FAM107B: variants seen among roughly 807,000 people sequenced by gnomAD.
The protein encoded by FAM107B is protein FAM107B.
In FAM107B, 21 loss-of-function variants were observed where a neutral mutation model predicts 31.5. The ratio of observed to expected loss-of-function variants is 0.67; its 90% CI spans 0.47 to 0.96. FAM107B has a LOEUF of 0.96. FAM107B is among the 40% of genes least tolerant of loss of function. FAM107B has a pLI of 0.00. For synonymous variants in FAM107B, 157 were observed against 141.5 expected (o/e 1.11, Z -0.78); for missense variants, 452 against 377.1 (o/e 1.20, Z -1.64).
chr10:14,713,910 A>G (rs1171154954), intron 1 of FAM107B, among the ~76,000 whole-genome samples: 2 of 152,200 alleles, frequency 1.3e-5, no homozygotes, highest in African/African-American at 4.8e-5. Flanking sequence ...TCATTATTCC[A>G]GGTGAATTAA....
chr10:14,525,618 T>C (rs917571264), intron 3 of FAM107B, among the ~76,000 whole-genome samples: 2 of 152,220 alleles, frequency 1.3e-5, no homozygotes, highest in African/African-American at 4.8e-5. Context: ...TGGGTCTATG[T>C]TCCTCCATAC....
chr10:14,723,029 A>ATGTGTCTTATATTTAGGTCTTATATT, intron 1 of FAM107B: 1 of 341,086 alleles, frequency 2.9e-6, no homozygotes. Context: ...CGTCTTTTAC[A>ATGTGTCTTATATTTAGGTCTTATATT]TGTGTCTTAT....
At chr10:14,646,789 C>CTTTTTTTTTTTTT (rs369557470) in intron 2 of FAM107B, among the ~76,000 whole-genome samples, 1 of 86,770 alleles carries the variant, frequency 1.2e-5, no homozygotes, top group African/African-American at 4.7e-5. Context: ...CCATTTTCTC[C>CTTTTTTTTTTTTT]TTTTTTTTTT....
chr10:14,738,088 C>T (rs1165491369), intron 1 of FAM107B, among the ~76,000 whole-genome samples: 2 of 152,136 alleles, frequency 1.3e-5, no homozygotes, highest in African/African-American at 4.8e-5. Flanking sequence ...TTTACACGTA[C>T]AAATGTACAG....
chr10:14,723,487 G>A, intron 1 of FAM107B: 2 of 581,898 alleles, frequency 3.4e-6, no homozygotes, highest in Non-Finnish European at 6.5e-6. Flanking sequence ...GTGTTTACAG[G>A]AAATGGTACC....
chr10:14,769,262 C>T (rs1187842897), intron 1 of FAM107B, among the ~76,000 whole-genome samples: 4 of 152,240 alleles, frequency 2.6e-5, no homozygotes, highest in Non-Finnish European at 4.4e-5. Flanking sequence ...TGCTGGGGTG[C>T]TAGGATGGCT....
intron 1 of FAM107B, among the ~76,000 whole-genome samples, chr10:14,762,053 C>T (rs1278597928): frequency 6.6e-6 from 1 of 152,164 alleles, no homozygotes; most frequent in African/African-American, 2.4e-5. Flanking sequence ...CTGAGTATCT[C>T]TACCCTAAGG....
At position 14,520,707 on chromosome 10, in the gene FAM107B, C is replaced by T. The variant is rs1347390954; in HGVS notation, c.*483G>A. On this transcript the variant is annotated 3_prime_UTR_variant, in exon 5 of 5. Transcript: ENST00000181796. ...TAAATTAAACAAGACAATTCTGGGT[C>T]CTCAAAATTTACAGTGAGTGAACAG... The T allele has an allele frequency of 6.6e-6, 1 of 152,490 alleles. No individual in the cohort carries two copies. The highest frequency in any genetic ancestry group is 2.4e-5 in the African/African-American group (1 of 41,440). 9.4% of individuals were successfully genotyped at this position (152,490 alleles called of 1,614,324 possible).
intron 1 of FAM107B, among the ~76,000 whole-genome samples, chr10:14,718,592 G>A (rs183454064): frequency 4.9e-4 from 74 of 152,000 alleles, no homozygotes; most frequent in Non-Finnish European, 8.4e-4. Flanking sequence ...TCACAGCAGA[G>A]TCAATAACAG....
chr10:14,687,433 T>A (rs953479706), intron 1 of FAM107B, among the ~76,000 whole-genome samples: 8 of 152,198 alleles, frequency 5.3e-5, no homozygotes, highest in Admixed American at 6.5e-5. Flanking sequence ...AAGGTCAGTA[T>A]GTATCTTTAG....
rs1364937661 is a variant in FAM107B, at chr10:14,667,639, G to A, written c.464C>T (p.Thr155Ile). 1.2e-6 allele frequency: 2 copies of A among 1,614,164 alleles called. No individual in the cohort carries two copies. Among genetic ancestry groups the A allele is most frequent in the East Asian group, 2.2e-5 (1 of 44,884 alleles). Residue 155 changes from threonine (T) to isoleucine (I), a missense_variant, in exon 2 of 5, where the codon ACA becomes ATA. By Grantham distance (89) the Thr-to-Ile change is moderately conservative. Transcript: ENST00000181796. ...PKCLELEQKM[T>I]SDSPPEDIDH... ...TCACACAGAATGTACTCTACCTGAT[G>A]TCATTTTCTGCTCCAGCTCGAGGCA...
At chr10:14,661,323 G>A (rs114004532) in intron 2 of FAM107B, among the ~76,000 whole-genome samples, 2,884 of 152,336 alleles carry the variant, frequency 0.019, 89 homozygotes, top group African/African-American at 0.066. Context: ...ATTTCTGGAT[G>A]TGTCCAAGAC....
intron 1 of FAM107B, among the ~76,000 whole-genome samples, chr10:14,759,710 CT>C (rs991068879): frequency 2.0e-5 from 3 of 150,996 alleles, no homozygotes; most frequent in Admixed American, 6.6e-5. Context: ...ATAGAGCCTT[CT>C]TTTTTTTTCT....
intron 2 of FAM107B, among the ~76,000 whole-genome samples, chr10:14,662,279 A>G (rs767076872): frequency 5.5e-4 from 83 of 152,076 alleles, no homozygotes; most frequent in Non-Finnish European, 1.0e-3. Flanking sequence ...GACTGCTCCC[A>G]TCATTCAGGG....
intron 2 of FAM107B, among the ~76,000 whole-genome samples, chr10:14,541,421 T>A (rs550361297): frequency 2.4e-4 from 36 of 152,272 alleles, no homozygotes; most frequent in African/African-American, 8.7e-4. Context: ...AGGCAGCCAG[T>A]ACACACCAAG....
chr10:14,552,208 G>C (rs1032486701), intron 2 of FAM107B, among the ~76,000 whole-genome samples: 1 of 151,714 alleles, frequency 6.6e-6, no homozygotes, highest in Non-Finnish European at 1.5e-5. Context: ...ATCTTGGTGG[G>C]AACCACAGAA....
At chr10:14,580,912 T>C (rs1488776661) in intron 2 of FAM107B, among the ~76,000 whole-genome samples, 1 of 152,138 alleles carries the variant, frequency 6.6e-6, no homozygotes, top group Non-Finnish European at 1.5e-5. Flanking sequence ...GAGAGCACAG[T>C]GATTAAAACC....
intron 1 of FAM107B, among the ~76,000 whole-genome samples, chr10:14,749,604 C>T (rs543955297): frequency 1.3e-5 from 2 of 152,326 alleles, no homozygotes; most frequent in South Asian, 4.1e-4. Flanking sequence ...CCAAAGTTCA[C>T]ATCCCAGCCA....
chr10:14,657,284 C>A (rs1854086121), intron 2 of FAM107B, among the ~76,000 whole-genome samples: 1 of 152,142 alleles, frequency 6.6e-6, no homozygotes. Flanking sequence ...GTTTCCAAAC[C>A]CTGAGTGGTA....
Sources: gnomAD v4.1 joint callset for allele counts (sites outside exome capture counted in the v4.1 genomes callset) on GRCh38, gnomAD v4.1.1 for gene constraint, MANE v1.5 for transcripts, NCBI Gene and HGNC (gene_info 2026-07-23, HGNC 2026-07-21) for gene names.